WDR76: variants seen among roughly 807,000 people sequenced by gnomAD.
WDR76 encodes the protein WD repeat-containing protein 76.
Under a neutral mutation model 70.2 loss-of-function variants are expected in WDR76, and 52 were observed. That is an observed-to-expected ratio of 0.74 (90% CI 0.59 to 0.93). The LOEUF (loss-of-function observed/expected upper bound fraction) is 0.93. Among genes scored for constraint, WDR76 ranks in the 40% least tolerant of loss-of-function variants. WDR76 has a pLI of 0.00. For synonymous variants in WDR76, 292 were observed against 271.1 expected (o/e 1.08, Z -0.76); for missense variants, 756 against 760.2 (o/e 0.99, Z 0.07).
intron 4 of WDR76, among the ~76,000 whole-genome samples, chr15:43,839,369 G>A (rs542359238): frequency 9.1e-4 from 138 of 152,194 alleles, no homozygotes; most frequent in Non-Finnish European, 8.2e-4. Flanking sequence ...TTATGGCTGC[G>A]TATTATTCTA....
intron 7 of WDR76, 99 bp downstream of exon 7, chr15:43,842,770 G>C: frequency 9.0e-7 from 1 of 1,105,862 alleles, no homozygotes; most frequent in Non-Finnish European, 1.3e-6. Context: ...GAGATGAAAT[G>C]TTTCCACCCT....
rs915765313 is a variant in WDR76 at position 43,867,826 on chromosome 15, G to C, written c.*1434G>C. The C allele has an allele frequency of 6.6e-6, 1 of 152,064 alleles. No homozygotes were observed. Among genetic ancestry groups the C allele is most frequent in the Non-Finnish European group, 1.5e-5 (1 of 68,016 alleles). 9.4% of individuals were successfully genotyped at this position (152,064 alleles called of 1,614,324 possible). ...TTCAATGTGTTTGTTGTTGGGAGGG[G>C]AGCTGCCAAATCAGTTACTAATATT... is the stretch of plus-strand genomic sequence containing the variant. On this transcript the variant is annotated 3_prime_UTR_variant, in exon 13 of 13. Coordinates refer to ENST00000263795, the MANE Select transcript of WDR76 (RefSeq NM_024908.4).
chr15:43,865,984 A>G, intron 12 of WDR76, 144 bp from the exon 13 acceptor site: 1 of 908,424 alleles, frequency 1.1e-6, no homozygotes, highest in South Asian at 1.8e-5. Context: ...GGATGAGGTA[A>G]GGTTGGTGGT....
chr15:43,851,089 C>G lies in WDR76; in HGVS notation c.1035C>G (p.Thr345=), dbSNP rs2087852000. The G allele has an allele frequency of 3.1e-6, 5 of 1,613,594 alleles. No homozygotes were observed. Among genetic ancestry groups the G allele is most frequent in the Non-Finnish European group, 4.2e-6 (5 of 1,179,876 alleles). ...CCTTTCCCGCAACTCTCTTCCAGAC[C>G]CAGCAACCTAAAGAAGATGGAGTTT... ...KFGQVGLCDL[T]QQPKEDGVYV... Residue 345 remains threonine (T), a splice_region_variant and synonymous_variant, in exon 9 of 13, where the codon ACC becomes ACG. Transcript: ENST00000263795.
At position 43,843,920 on chromosome 15, in the gene WDR76, G is replaced by A; in HGVS notation, c.898G>A (p.Gly300Ser). The change falls in exon 8 of 13, where the codon GGC (glycine) becomes AGC (serine). Residue 300 changes from glycine to serine, a missense_variant. Coordinates refer to ENST00000263795, the MANE Select transcript of WDR76 (RefSeq NM_024908.4). The part of the protein sequence containing the change: ...SIKSYKANLN[G>S]MVISEDTVYK... ...TCTTAGCTACAAAGCCAATTTAAAT[G>A]GCATGGTCATTAGTGAAGATACCGT... 1 of 1,581,802 alleles carries A rather than the reference G, an allele frequency of 6.3e-7. No homozygotes were observed. Among genetic ancestry groups the A allele is most frequent in the Non-Finnish European group, 8.6e-7 (1 of 1,163,262 alleles).
chr15:43,852,172 A>G (rs1293712311), intron 9 of WDR76, among the ~76,000 whole-genome samples: 1 of 152,212 alleles, frequency 6.6e-6, no homozygotes, highest in Non-Finnish European at 1.5e-5. Context: ...TAAGTCTTAT[A>G]AGTTGAACTT....
intron 12 of WDR76, among the ~76,000 whole-genome samples, chr15:43,863,553 CT>C (rs35913356): frequency 7.1e-5 from 10 of 141,628 alleles, no homozygotes; most frequent in South Asian, 4.6e-4. Flanking sequence ...TAACTACTCT[CT>C]TTTTTAAAAA....
At position 43,858,754 on chromosome 15, in the gene WDR76, T is replaced by C; in HGVS notation, c.1493T>C (p.Ile498Thr). 1 of 1,614,212 alleles carries C rather than the reference T, an allele frequency of 6.2e-7. No individual in the cohort carries two copies. Among genetic ancestry groups the C allele is most frequent in the South Asian group, 1.1e-5 (1 of 91,088 alleles). The change falls in exon 11 of 13, where the codon ATT becomes ACT. Residue 498 changes from isoleucine (I) to threonine (T), a missense_variant. Ile to Thr is a moderately conservative substitution (Grantham distance 89). Transcript: ENST00000263795. ...LISLTEHTKS[I>T]ASAYFSPLTG... ...TCTTTGACTGAACATACAAAGAGCA[T>C]TGCTTCCGCCTATTTTTCACCTCTT... is the stretch of plus-strand genomic sequence containing the variant.
At chr15:43,862,083 G>A (rs1254601361) in intron 12 of WDR76, among the ~76,000 whole-genome samples, 3 of 151,696 alleles carry the variant, frequency 2.0e-5, no homozygotes, top group Admixed American at 6.6e-5. Context: ...TGATCCACCC[G>A]CCTCGGCCTC....
At position 43,847,069 on chromosome 15, in the gene WDR76, GTCCAGTATC is replaced by G. The variant is rs546950742; in HGVS notation, c.1032+3020_1032+3028del. Among the ~76,000 whole-genome samples, 25 of 147,686 alleles carry G rather than the reference GTCCAGTATC, an allele frequency of 1.7e-4. No homozygotes were observed. In the South Asian group the frequency reaches 5.4e-3, roughly 32 times the overall value. ...AAATCTGTATTACTAGGTCTCTGTA[GTCCAGTATC>G]TCCATCAACCTAATTTTCCAGGACA... is the stretch of plus-strand genomic sequence containing the variant. On this transcript the variant is annotated intron_variant, in intron 8 of 12. Coordinates refer to ENST00000263795, the MANE Select transcript of WDR76 (RefSeq NM_024908.4).
At position 43,844,821 on chromosome 15, in the gene WDR76, G is replaced by C. The variant is rs1175793778; in HGVS notation, c.1032+767G>C. Among the ~76,000 whole-genome samples, 6 of 147,016 alleles carry C rather than the reference G, an allele frequency of 4.1e-5. No homozygotes were observed. The South Asian group carries it at 6.7e-4, about 16-fold the overall frequency. ...CAGGTGCCTGTAGTCCCAGCTACTC[G>C]GGAGGCTGAAGCAGGAGAATGGCGT... On this transcript the variant is annotated intron_variant, in intron 8 of 12. Coordinates refer to ENST00000263795, the MANE Select transcript of WDR76 (RefSeq NM_024908.4).
At position 43,861,374 on chromosome 15, in the gene WDR76, TC is replaced by T; in HGVS notation, c.1605del (p.Thr536ProfsTer13). Reference sequence around the variant, plus strand: ...TGTATATCTTCTAAGATTCCGCTCCTCACCACCATCAGGTAGGCTTCTATAT... The same window carrying T: ...TGTATATCTTCTAAGATTCCGCTCCTACCACCATCAGGTAGGCTTCTATAT... Reference protein sequence around the residue: ...SSCISSKIPLLTTIRHNTFTG... With the variant: ...SSCISSKIPLXTTIRHNTFTG... On this transcript the variant is annotated frameshift_variant, in exon 12 of 13. Coordinates refer to ENST00000263795, the MANE Select transcript of WDR76 (RefSeq NM_024908.4). LOFTEE classifies it high-confidence loss of function. 2 of 1,613,954 alleles carry T rather than the reference TC, an allele frequency of 1.2e-6. No individual in the cohort carries two copies. Among genetic ancestry groups the T allele is most frequent in the Non-Finnish European group, 1.7e-6 (2 of 1,179,856 alleles).
chr15:43,867,269 C>T lies in WDR76; in HGVS notation c.*877C>T, dbSNP rs1184202442. Reference sequence around the variant, plus strand: ...TGGGTCTGTCTGTACTTTGCCTTTACTCTAGATGGCTCCTGAGACACAGGC... The same window carrying T: ...TGGGTCTGTCTGTACTTTGCCTTTATTCTAGATGGCTCCTGAGACACAGGC... On this transcript the variant is annotated 3_prime_UTR_variant, in exon 13 of 13. Transcript: ENST00000263795. 1.3e-5 allele frequency: 2 copies of T among 151,988 alleles called. No individual in the cohort carries two copies. Among genetic ancestry groups the T allele is most frequent in the Non-Finnish European group, 1.5e-5 (1 of 68,026 alleles). The allele number at this position is 151,988 out of a possible 1,614,324, so 9.4% of individuals were successfully genotyped here. A position where few individuals can be genotyped will look rare whatever the true frequency, so the allele number is the denominator to read the frequency against.
At position 43,861,314 on chromosome 15, in the gene WDR76, T is replaced by TA; in HGVS notation, c.1563-18dup. On this transcript the variant is annotated intron_variant, in intron 11 of 12. Coordinates refer to ENST00000263795, the MANE Select transcript of WDR76 (RefSeq NM_024908.4). ...GTTTTTAAGTAACAAAAGAATGTCT[T>TA]ACTCTCTTTATTTTGCAGAATTTTT... 6.2e-7 allele frequency: 1 copy of TA among 1,606,162 alleles called. No individual in the cohort carries two copies. The highest frequency in any genetic ancestry group is 8.5e-7 in the Non-Finnish European group (1 of 1,173,038).
rs1246904576 is a variant in WDR76 at position 43,867,688 on chromosome 15, A to G, written c.*1296A>G. On this transcript the variant is annotated 3_prime_UTR_variant, in exon 13 of 13. Coordinates refer to ENST00000263795, the MANE Select transcript of WDR76 (RefSeq NM_024908.4). ...CTTTAAACTGTCCGAAGGAAATTCA[A>G]TAGCCTGTTAAGTGAATACCTTCAT... The G allele has an allele frequency of 1.3e-5, 2 of 152,198 alleles. No homozygotes were observed. The highest frequency in any genetic ancestry group is 2.1e-4 in the South Asian group (1 of 4,826). The allele number at this position is 152,198 out of a possible 1,614,324, so 9.4% of individuals were successfully genotyped here. A position where few individuals can be genotyped will look rare whatever the true frequency, so the allele number is the denominator to read the frequency against.
At chr15:43,840,741 G>A (rs894817541) in intron 5 of WDR76, among the ~76,000 whole-genome samples, 4 of 152,010 alleles carry the variant, frequency 2.6e-5, no homozygotes, top group African/African-American at 9.7e-5. Context: ...CACTTTGGGA[G>A]GCTGAGGCAG....
intron 3 of WDR76, 138 bp from the exon 4 acceptor site, chr15:43,836,023 A>G (rs1383947425): frequency 1.6e-6 from 1 of 643,766 alleles, no homozygotes; most frequent in African/African-American, 1.9e-5. Flanking sequence ...GGCGCTGATC[A>G]TGACTCATGG....
In WDR76 at chr15:43,851,351, G is replaced by A. The variant is rs182683325; in HGVS notation, c.1191+106G>A. ...AATTGGGAGAAGTGGTATAGCAGAA[G>A]GACTTTGAGAACTACGCTGCCTAAG... On this transcript the variant is annotated intron_variant, in intron 9 of 12. Transcript: ENST00000263795. 10 of 1,462,672 alleles carry A rather than the reference G, an allele frequency of 6.8e-6. No homozygotes were observed. In the African/African-American group the frequency reaches 1.3e-4, roughly 18 times the overall value. The allele number at this position is 1,462,672 out of a possible 1,614,324, so 90.6% of individuals were successfully genotyped here.
At chr15:43,839,867 T>C (rs1189603941) in intron 5 of WDR76, 139 bp downstream of exon 5, 2 of 1,172,988 alleles carry the variant, frequency 1.7e-6, no homozygotes, top group Non-Finnish European at 2.3e-6. Context: ...GGTTTTGTTT[T>C]GTTTTTTTGA....
Sources: gnomAD v4.1 joint callset for allele counts (sites outside exome capture counted in the v4.1 genomes callset) on GRCh38, gnomAD v4.1.1 for gene constraint, MANE v1.5 for transcripts, NCBI Gene and HGNC (gene_info 2026-07-23, HGNC 2026-07-21) for gene names.